The following KLHL29 variants were observed in gnomAD, a reference collection of about 807,000 sequenced individuals.
The protein encoded by KLHL29 is kelch-like protein 29.
KLHL29 carries 21 observed loss-of-function variants against 80.4 expected under a neutral mutation model. The ratio of observed to expected loss-of-function variants is 0.26; its 90% CI spans 0.19 to 0.38. The LOEUF (loss-of-function observed/expected upper bound fraction) is 0.38. Ranked by LOEUF, KLHL29 falls within the 10% of genes least tolerant of loss-of-function variation. KLHL29 has a pLI of 1.00. For synonymous variants in KLHL29, 511 were observed against 526.8 expected (o/e 0.97, Z 0.41); for missense variants, 867 against 1,223.9 (o/e 0.71, Z 4.35).
At chr2:23,524,461 C>A (rs533432786) in intron 2 of KLHL29, 35 of 165,636 alleles carry the variant, frequency 2.1e-4, no homozygotes, top group Non-Finnish European at 3.7e-4. Flanking sequence ...TCATGGCTCA[C>A]GGGTGGGCGG....
intron 2 of KLHL29, among the ~76,000 whole-genome samples, chr2:23,497,580 G>A (rs577907615): frequency 1.3e-5 from 2 of 152,324 alleles, no homozygotes; most frequent in African/African-American, 4.8e-5. Context: ...GCAGGGCCAA[G>A]CCTAAAAGTT....
chr2:23,516,196 G>A (rs1361609975), intron 2 of KLHL29, among the ~76,000 whole-genome samples: 2 of 151,996 alleles, frequency 1.3e-5, no homozygotes, highest in African/African-American at 4.8e-5. Context: ...GAGGAGAGAA[G>A]CTAAGGCAGG....
At position 23,475,137 on chromosome 2, in the gene KLHL29, T is replaced by A. The variant is rs551488965; in HGVS notation, c.-153-423T>A. 2.8e-4 allele frequency among the ~76,000 whole-genome samples: 42 copies of A among 152,362 alleles called. No individual in the cohort carries two copies. In the South Asian group the frequency reaches 8.7e-3, roughly 32 times the overall value. On this transcript the variant is annotated intron_variant, in intron 1 of 13. Transcript: ENST00000486442. ...AGTTTGTGTCCTTTTCAGTATTAGA[T>A]TAAAGACTTAAATGTTTTCTTTTTC...
intron 2 of KLHL29, among the ~76,000 whole-genome samples, chr2:23,493,644 A>AGT (rs899867265): frequency 4.0e-5 from 6 of 151,224 alleles, no homozygotes; most frequent in East Asian, 1.9e-4. Flanking sequence ...TGTGTGTGTG[A>AGT]GTGTGTGTGT....
rs764338662 is a variant in KLHL29 at position 23,642,844 on chromosome 2, C to T, written c.934C>T (p.Pro312Ser). ...GKYEFTDPGHPREMLKELNQQ... is the reference protein window; with the variant it reads ...GKYEFTDPGHSREMLKELNQQ... ...GTATGAGTTCACCGACCCGGGGCACCCCAGAGGTAAGTCCTGCTGCCACGT... is the reference window on the plus strand; with the variant it reads ...GTATGAGTTCACCGACCCGGGGCACTCCAGAGGTAAGTCCTGCTGCCACGT... Residue 312 changes from proline to serine, a missense_variant, in exon 5 of 14, where the codon CCC becomes TCC. Transcript: ENST00000486442. 3.9e-6 allele frequency: 6 copies of T among 1,550,458 alleles called. No homozygotes were observed. The South Asian group carries it at 5.9e-5, about 15-fold the overall frequency.
intron 1 of KLHL29, among the ~76,000 whole-genome samples, chr2:23,408,281 A>C (rs1666780515): frequency 7.2e-6 from 1 of 139,194 alleles, no homozygotes; most frequent in African/African-American, 2.7e-5. Flanking sequence ...AAAAAAAAAA[A>C]AAAAAAAAAA....
At chr2:23,523,969 C>T in intron 2 of KLHL29, 1 of 471,548 alleles carries the variant, frequency 2.1e-6, no homozygotes, top group African/African-American at 2.0e-5. Context: ...GAGAAGATTC[C>T]ATGCGTCTTT....
intron 1 of KLHL29, among the ~76,000 whole-genome samples, chr2:23,407,338 T>A (rs1666760233): frequency 6.6e-6 from 1 of 152,128 alleles, no homozygotes; most frequent in Non-Finnish European, 1.5e-5. Flanking sequence ...AATCTTAGTC[T>A]GTTAGGTAGG....
intron 2 of KLHL29, among the ~76,000 whole-genome samples, chr2:23,529,012 C>T (rs904746061): frequency 6.6e-6 from 1 of 152,244 alleles, no homozygotes; most frequent in Non-Finnish European, 1.5e-5. Context: ...CACCCTTAAG[C>T]CTCTTGTCAC....
chr2:23,574,833 T>C lies in KLHL29; in HGVS notation c.285+12352T>C, dbSNP rs374917445. 1.8e-3 allele frequency among the ~76,000 whole-genome samples: 272 copies of C among 152,304 alleles called. 9 individuals are homozygous for C. The South Asian group carries it at 0.052, about 29-fold the overall frequency. On this transcript the variant is annotated intron_variant, in intron 3 of 13. Coordinates refer to ENST00000486442, the MANE Select transcript of KLHL29 (RefSeq NM_052920.2). Reference sequence around the variant, plus strand: ...ACAGCTGACCCACCACGCCATTTCCTTGATGAAGAGAAATGGGGGTGTCGG... The same window carrying C: ...ACAGCTGACCCACCACGCCATTTCCCTGATGAAGAGAAATGGGGGTGTCGG...
At chr2:23,592,994 C>A (rs1424620067) in intron 3 of KLHL29, among the ~76,000 whole-genome samples, 1 of 152,192 alleles carries the variant, frequency 6.6e-6, no homozygotes, top group African/African-American at 2.4e-5. Context: ...TTGTTCTCTG[C>A]TCGAGTGCTG....
At chr2:23,507,206 C>T in intron 2 of KLHL29, 1 of 317,100 alleles carries the variant, frequency 3.2e-6, no homozygotes, top group South Asian at 2.4e-5. Flanking sequence ...GACCCACACA[C>T]CTGTAAGCAC....
intron 1 of KLHL29, among the ~76,000 whole-genome samples, chr2:23,424,965 G>A (rs1662966372): frequency 1.3e-5 from 2 of 152,174 alleles, no homozygotes; most frequent in Admixed American, 6.5e-5. Context: ...TTTTAGATAT[G>A]TTGGTCCCCA....
intron 1 of KLHL29, among the ~76,000 whole-genome samples, chr2:23,459,088 T>C (rs1169121344): frequency 6.6e-6 from 1 of 152,130 alleles, no homozygotes; most frequent in African/African-American, 2.4e-5. Context: ...GGGCTGGGTA[T>C]GGAGGGAGAA....
chr2:23,433,411 G>C (rs2103409701), intron 1 of KLHL29, among the ~76,000 whole-genome samples: 1 of 152,198 alleles, frequency 6.6e-6, no homozygotes, highest in East Asian at 1.9e-4. Context: ...AGGGAATCTG[G>C]TGTTGGGGGA....
At chr2:23,673,031 C>G (rs34668726) in intron 5 of KLHL29, among the ~76,000 whole-genome samples, 19,529 of 152,230 alleles carry the variant, frequency 0.13, 1,452 homozygotes, top group Middle Eastern at 0.17. Context: ...CCACCAGTGG[C>G]CTCCAGCCTG....
chr2:23,652,660 G>C (rs1436659781), intron 5 of KLHL29, among the ~76,000 whole-genome samples: 1 of 152,190 alleles, frequency 6.6e-6, no homozygotes, highest in Non-Finnish European at 1.5e-5. Flanking sequence ...CACCTCCTTG[G>C]TCTTGAGCAT....
intron 2 of KLHL29, among the ~76,000 whole-genome samples, chr2:23,522,599 A>G (rs142005600): frequency 6.6e-6 from 1 of 151,722 alleles, no homozygotes; most frequent in Non-Finnish European, 1.5e-5. Context: ...TTGGAGAGTC[A>G]TCAGGTGGGG....
At chr2:23,484,239 C>T (rs556708835) in intron 2 of KLHL29, among the ~76,000 whole-genome samples, 34 of 152,294 alleles carry the variant, frequency 2.2e-4, no homozygotes, top group African/African-American at 7.7e-4. Context: ...TATTTTCACC[C>T]TTTCTTGTAA....
Sources: gnomAD v4.1 joint callset for allele counts (sites outside exome capture counted in the v4.1 genomes callset) on GRCh38, gnomAD v4.1.1 for gene constraint, MANE v1.5 for transcripts, NCBI Gene and HGNC (gene_info 2026-07-23, HGNC 2026-07-21) for gene names.